The following SNX25 variants were observed in gnomAD, a reference collection of about 807,000 sequenced individuals.
The protein encoded by SNX25 is sorting nexin-25.
In SNX25, 62 loss-of-function variants were observed where a neutral mutation model predicts 113.7. The observed-to-expected ratio is 0.55, with a 90% CI of 0.44 to 0.67. The LOEUF is 0.67. SNX25 is among the 30% of genes least tolerant of loss of function. The pLI is 0.00. For synonymous variants in SNX25, 421 were observed against 436.2 expected, an observed-to-expected ratio of 0.97 and a Z score of 0.43; for missense variants, 1,014 against 1,161.0, an observed-to-expected ratio of 0.87 and a Z score of 1.84.
chr4:185,277,983 C>T lies in SNX25; in HGVS notation c.1092-10029C>T, dbSNP rs1307902322. ...TCCTGACCTCGTGATCCGCCCGCCT[C>T]GGCCTCCCAAAGTGCTGGGATTACA... On this transcript the variant is annotated intron_variant, in intron 5 of 18. Transcript: ENST00000652585. Among the ~76,000 whole-genome samples the T allele has an allele frequency of 4.4e-5, 2 of 45,234 alleles. 1 individual carries two copies. Among genetic ancestry groups the T allele is most frequent in the Non-Finnish European group, 9.9e-5 (2 of 20,206 alleles). 29.7% of individuals were successfully genotyped at this position (45,234 alleles called of 152,430 possible).
chr4:185,329,662 C>T (rs1035169470), intron 9 of SNX25, among the ~76,000 whole-genome samples: 13 of 151,298 alleles, frequency 8.6e-5, no homozygotes, highest in South Asian at 2.1e-4. Context: ...GGATTGGAGC[C>T]GCATGAGGAA....
At chr4:185,343,562 G>A (rs2095270662) in intron 12 of SNX25, among the ~76,000 whole-genome samples, 1 of 152,194 alleles carries the variant, frequency 6.6e-6, no homozygotes, top group African/African-American at 2.4e-5. Context: ...TAACTGACTT[G>A]TCATAGGACA....
intron 1 of SNX25, among the ~76,000 whole-genome samples, chr4:185,239,282 G>A (rs932541298): frequency 6.6e-6 from 1 of 151,714 alleles, no homozygotes; most frequent in Non-Finnish European, 1.5e-5. Context: ...AGGAGATCGA[G>A]ACCATCCTGG....
At chr4:185,299,491 G>C (rs1435436208) in intron 6 of SNX25, among the ~76,000 whole-genome samples, 1 of 150,116 alleles carries the variant, frequency 6.7e-6, no homozygotes, top group Non-Finnish European at 1.5e-5. Context: ...TAGATCTCGA[G>C]TGCGCCCCAG....
chr4:185,252,141 G>T (rs1745758882), intron 2 of SNX25, among the ~76,000 whole-genome samples: 1 of 152,138 alleles, frequency 6.6e-6, no homozygotes, highest in African/African-American at 2.4e-5. Context: ...GCATTTGGCA[G>T]TAGTTCTTCA....
intron 6 of SNX25, among the ~76,000 whole-genome samples, chr4:185,304,914 C>A (rs1469029437): frequency 6.6e-6 from 1 of 152,194 alleles, no homozygotes; most frequent in Non-Finnish European, 1.5e-5. Context: ...CGATTGCCTG[C>A]ATTTCACGAG....
At position 185,363,119 on chromosome 4, in the gene SNX25, A is replaced by C. The variant is rs2095373689; in HGVS notation, c.2935-266A>C. Reference sequence around the variant, plus strand: ...CAGCCTCCCAAAGTGCTGGGATTACAGGCGGGAGCCACCTCGCCCATCCTC... The same window carrying C: ...CAGCCTCCCAAAGTGCTGGGATTACCGGCGGGAGCCACCTCGCCCATCCTC... On this transcript the variant is annotated intron_variant, in intron 18 of 18. Coordinates refer to ENST00000652585, the MANE Select transcript of SNX25 (RefSeq NM_001378034.2). The surrounding 1 kb of genome is among the most constrained non-coding windows in gnomAD (Gnocchi z 4.2). Among the ~76,000 whole-genome samples the C allele has an allele frequency of 6.6e-6, 1 of 152,126 alleles. No individual in the cohort carries two copies. The highest frequency in any genetic ancestry group is 2.1e-4 in the South Asian group (1 of 4,830).
intron 13 of SNX25, 77 bp from the exon 14 acceptor site, chr4:185,351,368 C>G: frequency 6.8e-7 from 1 of 1,478,598 alleles, no homozygotes; most frequent in Non-Finnish European, 9.2e-7. Context: ...AGCTCTGCCT[C>G]GCTCACCTTT....
chr4:185,357,527 CA>C (rs2095344424), intron 15 of SNX25, 143 bp from the exon 16 acceptor site: 2 of 677,146 alleles, frequency 3.0e-6, no homozygotes, highest in Admixed American at 5.4e-5. Flanking sequence ...GACCTAAACC[CA>C]AATTCTGCAG....
At chr4:185,320,643 C>T in intron 7 of SNX25, 90 bp from the exon 8 acceptor site, 1 of 953,736 alleles carries the variant, frequency 1.0e-6, no homozygotes, top group Non-Finnish European at 1.5e-6. Flanking sequence ...CATTTTTACC[C>T]TAAATGTAGA....
chr4:185,210,241 C>G lies in SNX25; in HGVS notation c.415C>G (p.Arg139Gly). Reference sequence around the variant, plus strand: ...CCGGCTGGCCGCGACCTCAGCCGCCCGCCGCCCGCCGGGGGTAAGTACCCG... The same window carrying G: ...CCGGCTGGCCGCGACCTCAGCCGCCGGCCGCCCGCCGGGGGTAAGTACCCG... The part of the protein sequence containing the change: ...WSRLAATSAA[R>G]RPPGSPVYGN... The change falls in exon 1 of 19, where the codon CGC becomes GGC. Residue 139 changes from arginine to glycine, a missense_variant. Coordinates refer to ENST00000652585, the MANE Select transcript of SNX25 (RefSeq NM_001378034.2). This position sits in a 1 kb window ranked among gnomAD's most constrained non-coding sequence, Gnocchi z 4.4. 1 of 984,964 alleles carries G rather than the reference C, an allele frequency of 1.0e-6. No homozygotes were observed. The highest frequency in any genetic ancestry group is 1.2e-6 in the Non-Finnish European group (1 of 830,090). 61.0% of individuals were successfully genotyped at this position (984,964 alleles called of 1,614,324 possible).
intron 6 of SNX25, among the ~76,000 whole-genome samples, chr4:185,305,933 G>C (rs1317228839): frequency 6.6e-6 from 1 of 152,188 alleles, no homozygotes; most frequent in East Asian, 1.9e-4. Context: ...CTTGGCACCA[G>C]TTTAAAGACA....
chr4:185,360,908 GAC>G (rs2095358349), intron 16 of SNX25, among the ~76,000 whole-genome samples: 4 of 137,270 alleles, frequency 2.9e-5, no homozygotes, highest in Non-Finnish European at 6.1e-5. Context: ...AACAGAGCGA[GAC>G]TCCGTCTCAA....
intron 1 of SNX25, among the ~76,000 whole-genome samples, chr4:185,226,583 T>TAGGATTACAGGCATGTGC (rs921864894): frequency 1.3e-5 from 2 of 152,154 alleles, no homozygotes; most frequent in Non-Finnish European, 2.9e-5. Flanking sequence ...CCTGAGTAGA[T>TAGGATTACAGGCATGTGC]AGGATTACAG....
chr4:185,333,092 A>C (rs2095206847), intron 10 of SNX25, among the ~76,000 whole-genome samples: 1 of 152,242 alleles, frequency 6.6e-6, no homozygotes, highest in Non-Finnish European at 1.5e-5. Flanking sequence ...TTTGAATAAA[A>C]AAAGATGTTT....
chr4:185,275,629 A>C (rs1749570932), intron 5 of SNX25, among the ~76,000 whole-genome samples: 1 of 152,234 alleles, frequency 6.6e-6, no homozygotes. Context: ...TGAAGAACTT[A>C]AATTATTTGA....
downstream of SNX25, chr4:185,373,099 A>G (rs754793540): frequency 1.9e-6 from 3 of 1,588,658 alleles, no homozygotes; most frequent in South Asian, 2.2e-5. Context: ...GCACAGTTTC[A>G]TCATTGTATT....
chr4:185,368,073 G>T (rs1014305574), downstream of SNX25, among the ~76,000 whole-genome samples: 5 of 152,170 alleles, frequency 3.3e-5, no homozygotes, highest in African/African-American at 9.6e-5. Flanking sequence ...AGCTACTCGG[G>T]AGGCTGAGCC....
chr4:185,227,029 G>A (rs745589785), intron 1 of SNX25, among the ~76,000 whole-genome samples: 8 of 152,210 alleles, frequency 5.3e-5, no homozygotes, highest in Non-Finnish European at 1.0e-4. Context: ...AGCCCCGTGA[G>A]TCGGAAGAGC....
Sources: gnomAD v4.1 joint callset for allele counts (sites outside exome capture counted in the v4.1 genomes callset) on GRCh38, gnomAD v4.1.1 for gene constraint, Gnocchi (gnomAD v3.1) non-coding constraint, MANE v1.5 for transcripts, NCBI Gene and HGNC (gene_info 2026-07-23, HGNC 2026-07-21) for gene names.